The following NEDD4L variants were observed in gnomAD, a reference collection of about 807,000 sequenced individuals.
The protein encoded by NEDD4L is NEDD4 like E3 ubiquitin protein ligase, also known as E3 ubiquitin-protein ligase NEDD4-like.
NEDD4L carries 54 observed loss-of-function variants against 148.9 expected under a neutral mutation model. That is an observed-to-expected ratio of 0.36 (90% CI 0.29 to 0.45). The LOEUF (loss-of-function observed/expected upper bound fraction) is 0.45, where lower values mean the gene tolerates loss of function less well. NEDD4L is among the 20% of genes least tolerant of loss of function. NEDD4L has a pLI of 1.00. For synonymous variants in NEDD4L, 433 were observed against 440.7 expected (o/e 0.98, Z 0.22); for missense variants, 856 against 1,233.8 (o/e 0.69, Z 4.59).
intron 5 of NEDD4L, among the ~76,000 whole-genome samples, chr18:58,274,826 C>G (rs512415): frequency 1.3e-5 from 2 of 152,214 alleles, no homozygotes; most frequent in African/African-American, 2.4e-5. Context: ...CTGTGAGGCT[C>G]TATCACCTTA....
rs142437537 is a variant in NEDD4L at position 58,347,412 on chromosome 18, C to T, written c.1576-2125C>T. On this transcript the variant is annotated intron_variant, in intron 16 of 30. Coordinates refer to ENST00000400345, the MANE Select transcript of NEDD4L (RefSeq NM_001144967.3). ...GCTAGGTGGAAGCCCAAGGGTCCCC[C>T]GCTGGTTGTGGCGTTACCTGGTCCG... Among the ~76,000 whole-genome samples, 63 of 152,188 alleles carry T rather than the reference C, an allele frequency of 4.1e-4. 2 individuals are homozygous for T. In the East Asian group the frequency reaches 0.012, roughly 29 times the overall value.
chr18:58,048,856 T>TAGAAAG (rs1166186183), intron 1 of NEDD4L, among the ~76,000 whole-genome samples: 1 of 152,202 alleles, frequency 6.6e-6, no homozygotes, highest in Non-Finnish European at 1.5e-5. Flanking sequence ...ACCACTACTT[T>TAGAAAG]CTGTTGTCTT....
intron 1 of NEDD4L, among the ~76,000 whole-genome samples, chr18:58,123,984 C>A (rs1276665989): frequency 1.3e-5 from 2 of 152,190 alleles, no homozygotes; most frequent in East Asian, 3.9e-4. Context: ...TAAAAACAGG[C>A]CTTATGACGT....
At chr18:58,271,696 G>A (rs893463132) in intron 5 of NEDD4L, among the ~76,000 whole-genome samples, 1 of 152,186 alleles carries the variant, frequency 6.6e-6, no homozygotes, top group Non-Finnish European at 1.5e-5. Context: ...AATTTTATCA[G>A]CAGTTTTGCT....
chr18:58,260,607 A>G (rs2049238068), intron 5 of NEDD4L, among the ~76,000 whole-genome samples: 1 of 152,212 alleles, frequency 6.6e-6, no homozygotes, highest in African/African-American at 2.4e-5. Flanking sequence ...AGGTGTAATA[A>G]CATTATGTGT....
At chr18:58,350,710 T>C (rs542923297) in intron 17 of NEDD4L, among the ~76,000 whole-genome samples, 1 of 152,352 alleles carries the variant, frequency 6.6e-6, no homozygotes, top group Admixed American at 6.5e-5. Flanking sequence ...CACTGTTCCA[T>C]GGAATGCTGC....
intron 5 of NEDD4L, among the ~76,000 whole-genome samples, chr18:58,273,150 G>A (rs1166280755): frequency 6.6e-6 from 1 of 152,208 alleles, no homozygotes; most frequent in East Asian, 1.9e-4. Flanking sequence ...CCAAGTGAGT[G>A]GAGGAGACAG....
chr18:58,063,683 A>G (rs2144741653), intron 1 of NEDD4L, among the ~76,000 whole-genome samples: 1 of 150,908 alleles, frequency 6.6e-6, no homozygotes, highest in East Asian at 2.0e-4. Context: ...CTCCTGCCTC[A>G]GCCTCCCGAG....
chr18:58,122,960 T>C (rs2082115088), intron 1 of NEDD4L, among the ~76,000 whole-genome samples: 1 of 152,182 alleles, frequency 6.6e-6, no homozygotes, highest in South Asian at 2.1e-4. Flanking sequence ...CTCGAACTCC[T>C]GACCTCAAGT....
rs1330403211 is a variant in NEDD4L at position 58,055,148 on chromosome 18, G to T, written c.48+10440G>T. The stretch of plus-strand genomic sequence containing the variant: ...CAGTAGAATCCTATTGTGGTTAAGT[G>T]TTTATATGTAGAGAAAATGACTAGG... On this transcript the variant is annotated intron_variant, in intron 1 of 30. Transcript: ENST00000400345. Among the ~76,000 whole-genome samples, 5 of 152,222 alleles carry T rather than the reference G, an allele frequency of 3.3e-5. No homozygotes were observed. In the South Asian group the frequency reaches 8.3e-4, roughly 25 times the overall value.
chr18:58,137,476 G>T (rs2032974905), intron 1 of NEDD4L, among the ~76,000 whole-genome samples: 1 of 152,144 alleles, frequency 6.6e-6, no homozygotes, highest in Non-Finnish European at 1.5e-5. Flanking sequence ...GGGTTTATTA[G>T]CTGGGAAAGG....
intron 1 of NEDD4L, among the ~76,000 whole-genome samples, chr18:58,137,115 G>C (rs1415745924): frequency 1.3e-5 from 2 of 152,232 alleles, no homozygotes; most frequent in Non-Finnish European, 2.9e-5. Flanking sequence ...TCAAAGAGCA[G>C]AGAGCACAAC....
chr18:58,369,713 G>A (rs1035836597), intron 22 of NEDD4L, among the ~76,000 whole-genome samples: 4 of 152,206 alleles, frequency 2.6e-5, no homozygotes, highest in African/African-American at 9.7e-5. Context: ...GTGAGGAGGT[G>A]CGTGATGCCT....
At chr18:58,309,621 T>A (rs1385617138) in intron 5 of NEDD4L, among the ~76,000 whole-genome samples, 2 of 151,498 alleles carry the variant, frequency 1.3e-5, no homozygotes, top group East Asian at 3.9e-4. Context: ...GGCATCTAGT[T>A]GGCAGAGTCC....
At chr18:58,211,279 A>G (rs972159194) in intron 2 of NEDD4L, among the ~76,000 whole-genome samples, 2 of 152,246 alleles carry the variant, frequency 1.3e-5, no homozygotes, top group Admixed American at 1.3e-4. Context: ...AAATGGTCAT[A>G]TGTCTAGAAA....
intron 1 of NEDD4L, chr18:58,091,301 G>A (rs764472725): frequency 6.6e-6 from 1 of 152,282 alleles, no homozygotes; most frequent in Non-Finnish European, 1.5e-5. Flanking sequence ...GAGCCCTTTA[G>A]TGTTATCGGG....
At chr18:58,274,739 A>G (rs1425543690) in intron 5 of NEDD4L, among the ~76,000 whole-genome samples, 1 of 152,242 alleles carries the variant, frequency 6.6e-6, no homozygotes, top group Non-Finnish European at 1.5e-5. Flanking sequence ...ATAATAAAGA[A>G]TAGTTCAATA....
In NEDD4L at chr18:58,256,593, G is replaced by A. The variant is rs368770950; in HGVS notation, c.297+4539G>A. ...GCTGGCAGGATGGCTCCTGAAATCCGCAGGACGAACTCCGCGGAGAGGACT... is the reference window on the plus strand; with the variant it reads ...GCTGGCAGGATGGCTCCTGAAATCCACAGGACGAACTCCGCGGAGAGGACT... On this transcript the variant is annotated intron_variant, in intron 5 of 30. Coordinates refer to ENST00000400345, the MANE Select transcript of NEDD4L (RefSeq NM_001144967.3). The surrounding 1 kb of genome is among the most constrained non-coding windows in gnomAD (Gnocchi z 5.2). The A allele has an allele frequency of 2.5e-4, 303 of 1,232,268 alleles. 4 individuals are homozygous for A. The East Asian group carries it at 8.9e-3, about 36-fold the overall frequency. 76.3% of individuals were successfully genotyped at this position (1,232,268 alleles called of 1,614,324 possible). A position where few individuals can be genotyped will look rare whatever the true frequency, so the allele number is the denominator to read the frequency against.
chr18:58,348,326 C>CTTTTTTTTCTTTTTTTTT (rs2043371626), intron 16 of NEDD4L, among the ~76,000 whole-genome samples: 29 of 88,646 alleles, frequency 3.3e-4, no homozygotes, highest in African/African-American at 1.5e-3. Context: ...TCTTTTTTTT[C>CTTTTTTTTCTTTTTTTTT]TTTTTTTTTT....
Sources: allele counts gnomAD v4.1 joint callset (sites outside exome capture counted in the v4.1 genomes callset), GRCh38; gene constraint gnomAD v4.1.1; non-coding constraint Gnocchi (gnomAD v3.1); transcripts MANE v1.5; gene names NCBI Gene and HGNC (gene_info 2026-07-23, HGNC 2026-07-21).